The following DACH2 variants were observed in gnomAD, a reference collection of about 807,000 sequenced individuals.
DACH2 encodes dachshund family transcription factor 2.
A neutral mutation model predicts 35.8 loss-of-function variants in DACH2; 17 were observed. The observed-to-expected ratio is 0.48, with a 90% CI of 0.33 to 0.71. The LOEUF (loss-of-function observed/expected upper bound fraction) is 0.71. DACH2 is among the 30% of genes least tolerant of loss of function. DACH2 has a pLI of 0.02. For synonymous variants in DACH2, 195 were observed against 177.3 expected, an observed-to-expected ratio of 1.10 and a Z score of -0.79; for missense variants, 469 against 472.7, an observed-to-expected ratio of 0.99 and a Z score of 0.07.
intron 1 of DACH2, among the ~76,000 whole-genome samples, chrX:86,171,718 C>T (rs2031131854): frequency 9.0e-6 from 1 of 111,597 alleles, no homozygotes; most frequent in African/African-American, 3.3e-5. Flanking sequence ...GCTGTTGCTG[C>T]TGGGGGATTG....
chrX:86,317,336 G>A (rs1057482488), intron 1 of DACH2, among the ~76,000 whole-genome samples: 10 of 111,072 alleles, frequency 9.0e-5, no homozygotes, highest in African/African-American at 2.6e-4. Context: ...TGGGTTATAG[G>A]TTATCTGGCA....
intron 1 of DACH2, among the ~76,000 whole-genome samples, chrX:86,360,514 C>T (rs2035721926): frequency 9.0e-6 from 1 of 111,616 alleles, no homozygotes; most frequent in Non-Finnish European, 1.9e-5. Context: ...TTTGAGAAGC[C>T]TATAAATATT....
chrX:86,425,384 A>G (rs890231430), intron 2 of DACH2, among the ~76,000 whole-genome samples: 3 of 109,621 alleles, frequency 2.7e-5, no homozygotes, highest in Admixed American at 2.0e-4. Context: ...CAGGTTTTGG[A>G]TTTCTTCCTG....
intron 7 of DACH2, among the ~76,000 whole-genome samples, chrX:86,753,738 C>T (rs1208898566): frequency 9.0e-6 from 1 of 111,017 alleles, no homozygotes; most frequent in Non-Finnish European, 1.9e-5. Flanking sequence ...TTCTAAAATG[C>T]ATCTAAAATA....
intron 4 of DACH2, among the ~76,000 whole-genome samples, chrX:86,689,735 A>T (rs758084115): frequency 1.8e-5 from 2 of 112,049 alleles, no homozygotes; most frequent in South Asian, 7.3e-4. Context: ...GTAGCTAGAA[A>T]AGTTTCAATG....
At chrX:86,585,753 T>C (rs1344311329) in intron 3 of DACH2, among the ~76,000 whole-genome samples, 1 of 111,604 alleles carries the variant, frequency 9.0e-6, no homozygotes, top group Non-Finnish European at 1.9e-5. Context: ...TTGTTCTTTT[T>C]TATGTCTGTT....
At chrX:86,742,363 T>C (rs1162457198) in intron 7 of DACH2, among the ~76,000 whole-genome samples, 1 of 111,171 alleles carries the variant, frequency 9.0e-6, no homozygotes, top group African/African-American at 3.2e-5. Context: ...AAAGTTATAT[T>C]ATCTATTAAT....
At chrX:86,319,329 T>C (rs2034973421) in intron 1 of DACH2, among the ~76,000 whole-genome samples, 1 of 112,261 alleles carries the variant, frequency 8.9e-6, no homozygotes, top group African/African-American at 3.2e-5. Context: ...CCATGCCTTC[T>C]TATAATCTTT....
intron 2 of DACH2, among the ~76,000 whole-genome samples, chrX:86,439,721 A>C (rs760317756): frequency 9.0e-6 from 1 of 111,178 alleles, no homozygotes; most frequent in South Asian, 3.7e-4. Context: ...TTAGATTATT[A>C]ATTTTATATT....
intron 1 of DACH2, among the ~76,000 whole-genome samples, chrX:86,288,373 T>A (rs998549097): frequency 8.9e-6 from 1 of 112,017 alleles, no homozygotes; most frequent in African/African-American, 3.2e-5. Flanking sequence ...CAAGGCCTGC[T>A]GTAACCCCTC....
chrX:86,171,572 G>A (rs1282013388), intron 1 of DACH2, among the ~76,000 whole-genome samples: 2 of 111,333 alleles, frequency 1.8e-5, no homozygotes, highest in Admixed American at 9.6e-5. Flanking sequence ...GTTTAAATGC[G>A]CCCTCTATGG....
intron 3 of DACH2, 40 bp from the exon 4 acceptor site, chrX:86,650,996 A>G: frequency 9.1e-7 from 1 of 1,093,024 alleles, no homozygotes; most frequent in Non-Finnish European, 1.2e-6. Context: ...GAAATTATTA[A>G]TATAAATAAA....
At chrX:86,624,847 A>G (rs1258890097) in intron 3 of DACH2, among the ~76,000 whole-genome samples, 1 of 111,620 alleles carries the variant, frequency 9.0e-6, no homozygotes, top group Non-Finnish European at 1.9e-5. Flanking sequence ...CCAAGATGGT[A>G]TAGTGTTACT....
chrX:86,795,982 G>T (rs1459065730), intron 7 of DACH2, among the ~76,000 whole-genome samples: 2 of 111,627 alleles, frequency 1.8e-5, no homozygotes, highest in Admixed American at 1.9e-4. Context: ...AAGATTTATT[G>T]TGAAGAGCGA....
chrX:86,284,413 C>A lies in DACH2; in HGVS notation c.489-92411C>A, dbSNP rs143479192. 1.3e-3 allele frequency among the ~76,000 whole-genome samples: 149 copies of A among 111,458 alleles called. 3 individuals carry two copies. In the East Asian group the frequency reaches 0.033, roughly 25 times the overall value. On this transcript the variant is annotated intron_variant, in intron 1 of 11. Coordinates refer to ENST00000373125, the MANE Select transcript of DACH2 (RefSeq NM_053281.3). ...AATAATTGATTTGTTGATGTTGAACCATCCTAGTATCCCAAGGACAAATCC... is the reference window on the plus strand; with the variant it reads ...AATAATTGATTTGTTGATGTTGAACAATCCTAGTATCCCAAGGACAAATCC...
chrX:86,358,947 A>G (rs1202897159), intron 1 of DACH2, among the ~76,000 whole-genome samples: 2 of 111,469 alleles, frequency 1.8e-5, no homozygotes, highest in Non-Finnish European at 3.8e-5. Flanking sequence ...AAACTTTCAG[A>G]TCAGATTTGA....
At chrX:86,605,757 T>C (rs990562959) in intron 3 of DACH2, among the ~76,000 whole-genome samples, 1 of 110,908 alleles carries the variant, frequency 9.0e-6, no homozygotes, top group African/African-American at 3.3e-5. Flanking sequence ...TTTTTTTTCC[T>C]TTTTTCAATC....
chrX:86,642,823 A>G (rs1278723216), intron 3 of DACH2, among the ~76,000 whole-genome samples: 1 of 112,090 alleles, frequency 8.9e-6, no homozygotes, highest in Non-Finnish European at 1.9e-5. Flanking sequence ...ACATACAATT[A>G]TATGAAAATT....
chrX:86,624,976 G>GA (rs922627018), intron 3 of DACH2, among the ~76,000 whole-genome samples: 112 of 110,267 alleles, frequency 1.0e-3, no homozygotes, highest in Non-Finnish European at 1.4e-3. Context: ...AATTCTGACT[G>GA]AAAAAAAAGG....
Sources: gnomAD v4.1 joint callset for allele counts (sites outside exome capture counted in the v4.1 genomes callset) on GRCh38, gnomAD v4.1.1 for gene constraint, MANE v1.5 for transcripts, NCBI Gene and HGNC (gene_info 2026-07-23, HGNC 2026-07-21) for gene names.